Variants in PTPRM observed in about 807,000 individuals in gnomAD.
The protein encoded by PTPRM is protein tyrosine phosphatase receptor type M.
In PTPRM, 47 loss-of-function variants were observed where a neutral mutation model predicts 186.7. The ratio of observed to expected loss-of-function variants is 0.25; its 90% confidence interval spans 0.20 to 0.32. PTPRM has a LOEUF of 0.32. PTPRM is among the 10% of genes least tolerant of loss of function. PTPRM has a pLI of 1.00. For missense variants in PTPRM, 1,494 were observed against 1,865.0 expected, an observed-to-expected ratio of 0.80 and a Z score of 3.66; for synonymous variants, 668 against 674.9, an observed-to-expected ratio of 0.99 and a Z score of 0.16.
intron 7 of PTPRM, among the ~76,000 whole-genome samples, chr18:8,034,681 C>G (rs756969885): frequency 1.7e-4 from 26 of 152,278 alleles, no homozygotes; most frequent in Non-Finnish European, 3.7e-4. Flanking sequence ...CCGGCTTCTG[C>G]TTCTGGGCTC....
At chr18:7,919,505 C>A (rs922450990) in intron 4 of PTPRM, among the ~76,000 whole-genome samples, 2 of 152,012 alleles carry the variant, frequency 1.3e-5, no homozygotes, top group Admixed American at 1.3e-4. Flanking sequence ...TAAATTTCCA[C>A]GTATTTGCGT....
At chr18:8,127,104 G>A (rs1249925020) in intron 13 of PTPRM, among the ~76,000 whole-genome samples, 1 of 152,080 alleles carries the variant, frequency 6.6e-6, no homozygotes, top group Non-Finnish European at 1.5e-5. Context: ...GATGAAAAAG[G>A]CCAAAAGACC....
chr18:7,959,462 T>A (rs1228999964), intron 7 of PTPRM, among the ~76,000 whole-genome samples: 1 of 152,238 alleles, frequency 6.6e-6, no homozygotes, highest in Non-Finnish European at 1.5e-5. Context: ...CCCATGAAAC[T>A]GTATTTAGCT....
chr18:7,646,240 C>T (rs759819471), intron 1 of PTPRM, among the ~76,000 whole-genome samples: 1 of 152,174 alleles, frequency 6.6e-6, no homozygotes, highest in Non-Finnish European at 1.5e-5. Flanking sequence ...ATTACTGTCT[C>T]CAGAGTTTGC....
intron 2 of PTPRM, among the ~76,000 whole-genome samples, chr18:7,795,526 G>A (rs986255340): frequency 1.3e-5 from 2 of 150,916 alleles, no homozygotes; most frequent in South Asian, 2.1e-4. Context: ...TGAGACTTTC[G>A]TAAACTCTTT....
chr18:8,197,371 A>G (rs558492722), intron 14 of PTPRM, among the ~76,000 whole-genome samples: 2 of 152,340 alleles, frequency 1.3e-5, no homozygotes, highest in Non-Finnish European at 2.9e-5. Context: ...ATTACATACA[A>G]ATTTCAATGT....
intron 1 of PTPRM, among the ~76,000 whole-genome samples, chr18:7,645,541 C>G (rs2144221052): frequency 6.6e-6 from 1 of 152,158 alleles, no homozygotes; most frequent in Middle Eastern, 3.4e-3. Flanking sequence ...TGAAATGGGC[C>G]TTGGTTGTTG....
intron 17 of PTPRM, 154 bp downstream of exon 17, chr18:8,248,330 A>G: frequency 1.3e-6 from 1 of 784,932 alleles, no homozygotes; most frequent in South Asian, 1.4e-5. Flanking sequence ...GGGTTAAAGG[A>G]AAAAGAGACT....
rs376281898 is a variant in PTPRM at position 8,258,497 on chromosome 18, C to G, written c.2754+5083C>G. On this transcript the variant is annotated intron_variant, in intron 19 of 32. Transcript: ENST00000580170. ...ACGTCAGGTCCAACGTTGTGGTGAT[C>G]CTGTGCGAGTGGAGAGTGAGTTCCT... Among the ~76,000 whole-genome samples the G allele has an allele frequency of 2.7e-3, 418 of 152,174 alleles. 3 individuals carry two copies. Among genetic ancestry groups the G allele is most frequent in the African/African-American group, 9.6e-3 (397 of 41,522 alleles).
rs185460613 is a variant in PTPRM, at chr18:8,318,233, G to C, written c.2920-945G>C. On this transcript the variant is annotated intron_variant, in intron 21 of 32. Transcript: ENST00000580170. ...ATGTTAGCTGGCTGTAATTTTCTCT[G>C]AGTGGATATTTTCTTTCCCAGATAC... 3.3e-3 allele frequency among the ~76,000 whole-genome samples: 481 copies of C among 146,540 alleles called. 3 individuals carry two copies. The highest frequency in any genetic ancestry group is 0.012 in the African/African-American group (463 of 39,362).
intron 19 of PTPRM, among the ~76,000 whole-genome samples, chr18:8,275,979 A>G (rs1372509404): frequency 2.6e-5 from 4 of 152,102 alleles, no homozygotes; most frequent in Non-Finnish European, 5.9e-5. Flanking sequence ...GTTCTGTGGT[A>G]AAGACCTCTC....
intron 14 of PTPRM, among the ~76,000 whole-genome samples, chr18:8,161,231 G>T (rs2093223541): frequency 6.6e-6 from 1 of 152,164 alleles, no homozygotes; most frequent in Non-Finnish European, 1.5e-5. Context: ...ATGCCTGAGG[G>T]TGTCTTTGCT....
At chr18:8,019,754 T>C (rs1282684382) in intron 7 of PTPRM, among the ~76,000 whole-genome samples, 1 of 148,132 alleles carries the variant, frequency 6.8e-6, no homozygotes, top group African/African-American at 2.4e-5. Context: ...TTTATAAACA[T>C]TTATTTTTAT....
chr18:7,951,301 A>G (rs752681982), intron 6 of PTPRM, among the ~76,000 whole-genome samples: 2 of 151,986 alleles, frequency 1.3e-5, no homozygotes, highest in Non-Finnish European at 2.9e-5. Context: ...TATTACTACC[A>G]TTATTTAATT....
intron 14 of PTPRM, among the ~76,000 whole-genome samples, chr18:8,224,588 A>C (rs532734035): frequency 1.3e-5 from 2 of 152,350 alleles, no homozygotes; most frequent in South Asian, 4.1e-4. Flanking sequence ...TTGGGGAAAA[A>C]AATGAATAAA....
At position 8,287,000 on chromosome 18, in the gene PTPRM, A is replaced by G. The variant is rs140578671; in HGVS notation, c.2755-9368A>G. On this transcript the variant is annotated intron_variant, in intron 19 of 32. Coordinates refer to ENST00000580170, the MANE Select transcript of PTPRM (RefSeq NM_001105244.2). ...AAAAAAAAAGTATCCTTAGATTTTC[A>G]GTCACATTTGATGGAGTTTATGTGC... 3.7e-3 allele frequency among the ~76,000 whole-genome samples: 569 copies of G among 152,152 alleles called. 1 individual carries two copies. The highest frequency in any genetic ancestry group is 6.8e-3 in the Middle Eastern group (2 of 294).
At chr18:8,279,281 A>G (rs544586710) in intron 19 of PTPRM, among the ~76,000 whole-genome samples, 14 of 152,314 alleles carry the variant, frequency 9.2e-5, no homozygotes, top group East Asian at 1.9e-4. Flanking sequence ...TGGAAAAGGC[A>G]TGAAACGGCA....
At chr18:8,164,508 A>G (rs1016496121) in intron 14 of PTPRM, among the ~76,000 whole-genome samples, 2 of 152,228 alleles carry the variant, frequency 1.3e-5, no homozygotes, top group Non-Finnish European at 2.9e-5. Context: ...ACGGAGTACT[A>G]TTCAGTCTTA....
chr18:7,589,232 C>T lies in PTPRM; in HGVS notation c.73+21341C>T, dbSNP rs565202600. Among the ~76,000 whole-genome samples, 8 of 152,290 alleles carry T rather than the reference C, an allele frequency of 5.3e-5. No individual in the cohort carries two copies. The East Asian group carries it at 1.5e-3, about 29-fold the overall frequency. On this transcript the variant is annotated intron_variant, in intron 1 of 32. Coordinates refer to ENST00000580170, the MANE Select transcript of PTPRM (RefSeq NM_001105244.2). ...CGAATGTCTGTTGTTTGAAAGCTTC[C>T]TTGAAAGCAGCAGGTCATGTGGTTC...
Sources: gnomAD v4.1 joint callset for allele counts (sites outside exome capture counted in the v4.1 genomes callset) on GRCh38, gnomAD v4.1.1 for gene constraint, MANE v1.5 for transcripts, NCBI Gene and HGNC (gene_info 2026-07-23, HGNC 2026-07-21) for gene names.